ROBO1: variants seen among roughly 807,000 people sequenced by gnomAD.
ROBO1 encodes the protein roundabout homolog 1.
ROBO1 carries 149 observed loss-of-function variants against 195.9 expected under a neutral mutation model. The ratio of observed to expected loss-of-function variants is 0.76; its 90% confidence interval spans 0.67 to 0.87. The LOEUF is 0.87. Ranked by LOEUF, ROBO1 falls within the 40% of genes least tolerant of loss-of-function variation. The probability of loss-of-function intolerance (pLI) is 0.00; values close to 1 mark genes in which losing one functional copy is unlikely to be tolerated. For synonymous variants in ROBO1, 816 were observed against 733.2 expected, an observed-to-expected ratio of 1.11 and a Z score of -1.82; for missense variants, 1,933 against 2,068.3, an observed-to-expected ratio of 0.93 and a Z score of 1.27.
At chr3:79,373,337 C>A (rs1429968959) in intron 2 of ROBO1, among the ~76,000 whole-genome samples, 1 of 152,068 alleles carries the variant, frequency 6.6e-6, no homozygotes, top group Non-Finnish European at 1.5e-5. Context: ...CTTGTCTACC[C>A]ATTATTCCTT....
At chr3:78,947,655 A>G (rs201337281) in intron 3 of ROBO1, among the ~76,000 whole-genome samples, 2 of 152,186 alleles carry the variant, frequency 1.3e-5, no homozygotes, top group Non-Finnish European at 2.9e-5. Flanking sequence ...CTAGCAGAAC[A>G]CAAGAAATAA....
At chr3:78,630,489 A>T (rs1705115270) in intron 25 of ROBO1, among the ~76,000 whole-genome samples, 1 of 152,192 alleles carries the variant, frequency 6.6e-6, no homozygotes, top group Admixed American at 6.5e-5. Context: ...AGTCACAGAA[A>T]AAACTGTATT....
intron 3 of ROBO1, among the ~76,000 whole-genome samples, chr3:79,065,391 GA>G (rs775960477): frequency 1.3e-5 from 2 of 150,502 alleles, no homozygotes; most frequent in Admixed American, 1.3e-4. Context: ...AAAAGGCCTA[GA>G]AAAAAAAATG....
At chr3:79,351,558 GTTTC>G (rs1410932908) in intron 2 of ROBO1, among the ~76,000 whole-genome samples, 2 of 152,040 alleles carry the variant, frequency 1.3e-5, no homozygotes, top group African/African-American at 2.4e-5. Flanking sequence ...CAAATATTTA[GTTTC>G]TTTATGTTCC....
chr3:79,601,926 T>C (rs1400573276), intron 1 of ROBO1, among the ~76,000 whole-genome samples: 2 of 151,888 alleles, frequency 1.3e-5, no homozygotes, highest in Admixed American at 6.6e-5. Flanking sequence ...TTTAAGTCCA[T>C]TATATGGGGT....
intron 1 of ROBO1, among the ~76,000 whole-genome samples, chr3:79,735,935 G>A (rs7430639): frequency 0.58 from 87,319 of 151,292 alleles, 25,442 homozygotes; most frequent in South Asian, 0.69. Flanking sequence ...ATTCATTCAG[G>A]TATCTTGTAT....
chr3:78,969,671 C>T (rs1362077320), intron 3 of ROBO1, among the ~76,000 whole-genome samples: 3 of 152,112 alleles, frequency 2.0e-5, no homozygotes, highest in Admixed American at 6.5e-5. Flanking sequence ...CCTATTGTGA[C>T]GTGTCTGGCA....
intron 2 of ROBO1, among the ~76,000 whole-genome samples, chr3:79,135,452 A>G (rs2080387456): frequency 6.6e-6 from 1 of 152,192 alleles, no homozygotes; most frequent in African/African-American, 2.4e-5. Flanking sequence ...TGATTGTTCA[A>G]TGAAGACTTG....
At chr3:78,790,476 T>A (rs1442843691) in intron 4 of ROBO1, among the ~76,000 whole-genome samples, 2 of 152,314 alleles carry the variant, frequency 1.3e-5, no homozygotes, top group Non-Finnish European at 2.9e-5. Context: ...ACAATCCAGT[T>A]ATACTCTCTT....
intron 2 of ROBO1, among the ~76,000 whole-genome samples, chr3:79,177,414 C>T (rs2108720251): frequency 6.6e-6 from 1 of 152,288 alleles, no homozygotes; most frequent in East Asian, 1.9e-4. Flanking sequence ...GTAACCTTCT[C>T]CTCCCTACAA....
intron 3 of ROBO1, among the ~76,000 whole-genome samples, chr3:78,952,659 A>G (rs1258628554): frequency 6.6e-6 from 1 of 152,014 alleles, no homozygotes; most frequent in Admixed American, 6.6e-5. Context: ...ACTCATGCTT[A>G]CTGTTGAAAT....
chr3:79,363,472 A>G (rs1487169263), intron 2 of ROBO1, among the ~76,000 whole-genome samples: 1 of 152,234 alleles, frequency 6.6e-6, no homozygotes, highest in Admixed American at 6.5e-5. Flanking sequence ...TCATTTTTAC[A>G]TAGACTATCC....
chr3:79,716,147 C>A (rs1339064135), intron 1 of ROBO1, among the ~76,000 whole-genome samples: 2 of 151,870 alleles, frequency 1.3e-5, no homozygotes, highest in Admixed American at 6.6e-5. Context: ...CTTCAAATAT[C>A]TGGAAATTTA....
chr3:79,652,895 T>C (rs1323725914), intron 1 of ROBO1, among the ~76,000 whole-genome samples: 1 of 151,962 alleles, frequency 6.6e-6, no homozygotes, highest in Non-Finnish European at 1.5e-5. Context: ...TGGATAGCCA[T>C]AAATAAAGGA....
At chr3:79,762,532 G>A (rs886966552) in intron 1 of ROBO1, among the ~76,000 whole-genome samples, 1 of 146,560 alleles carries the variant, frequency 6.8e-6, no homozygotes, top group African/African-American at 2.5e-5. Context: ...CACAGAAGAA[G>A]TGACACTTGT....
chr3:79,611,075 G>C (rs1406029172), intron 1 of ROBO1, among the ~76,000 whole-genome samples: 1 of 152,030 alleles, frequency 6.6e-6, no homozygotes, highest in African/African-American at 2.4e-5. Context: ...CATGGTACAA[G>C]AGTCAAAGGC....
chr3:78,608,660 TATA>T (rs2107308496), intron 28 of ROBO1, among the ~76,000 whole-genome samples: 1 of 152,304 alleles, frequency 6.6e-6, no homozygotes, highest in South Asian at 2.1e-4. Context: ...AAGAGATTAT[TATA>T]ATAACTCACA....
chr3:78,736,818 G>A (rs547991678), intron 5 of ROBO1, among the ~76,000 whole-genome samples: 4 of 152,210 alleles, frequency 2.6e-5, no homozygotes, highest in African/African-American at 9.6e-5. Flanking sequence ...TAGTTTCAGG[G>A]TCCAAACATG....
At chr3:79,299,121 G>C (rs962182101) in intron 2 of ROBO1, among the ~76,000 whole-genome samples, 2 of 152,076 alleles carry the variant, frequency 1.3e-5, no homozygotes, top group Non-Finnish European at 2.9e-5. Context: ...AACATGGAAG[G>C]TCATTTGAGG....
Sources: gnomAD v4.1 joint callset for allele counts (sites outside exome capture counted in the v4.1 genomes callset) on GRCh38, gnomAD v4.1.1 for gene constraint, MANE v1.5 for transcripts, NCBI Gene and HGNC (gene_info 2026-07-23, HGNC 2026-07-21) for gene names.